Variants in WDR35 observed in about 807,000 individuals in gnomAD.
WDR35 encodes the protein WD repeat domain 35, also known as WD repeat-containing protein 35.
In WDR35, 118 loss-of-function variants were observed where a neutral mutation model predicts 158.3. The observed-to-expected ratio is 0.75, with a 90% CI of 0.64 to 0.87. The LOEUF is 0.87. WDR35 is among the 40% of genes least tolerant of loss of function. The pLI, the probability that WDR35 is intolerant of heterozygous loss-of-function variation, is 0.00. For missense variants in WDR35, 1,263 were observed against 1,405.8 expected (o/e 0.90, Z 1.62); for synonymous variants, 448 against 476.1 (o/e 0.94, Z 0.77).
intron 10 of WDR35, among the ~76,000 whole-genome samples, chr2:19,964,530 C>T (rs62109418): frequency 0.081 from 12,236 of 151,550 alleles, 700 homozygotes; most frequent in South Asian, 0.2. Context: ...ACTACAGGCA[C>T]ACGCTGCCAC....
chr2:19,924,302 T>C (rs771927740), intron 25 of WDR35, among the ~76,000 whole-genome samples: 24 of 152,252 alleles, frequency 1.6e-4, no homozygotes, highest in Middle Eastern at 3.4e-3. Flanking sequence ...CAGTGGCTCA[T>C]GCCTGTAATC....
chr2:19,917,609 A>C (rs966293443), intron 25 of WDR35, among the ~76,000 whole-genome samples: 3 of 152,266 alleles, frequency 2.0e-5, no homozygotes, highest in African/African-American at 7.2e-5. Flanking sequence ...CACAAGTATC[A>C]ATAGCCAAAC....
chr2:19,937,708 G>A (rs1363091985), intron 19 of WDR35, 35 bp downstream of exon 19: 3 of 1,612,394 alleles, frequency 1.9e-6, no homozygotes, highest in Non-Finnish European at 8.5e-7. Context: ...TGAACTGATA[G>A]AGTACTCAGG....
rs751326879 is a variant in WDR35 at position 19,946,581 on chromosome 2, T to C, written c.1525-11A>G. 6.3e-7 allele frequency: 1 copy of C among 1,598,746 alleles called. No homozygotes were observed. Among genetic ancestry groups the C allele is most frequent in the African/African-American group, 1.3e-5 (1 of 74,598 alleles). ...GCCAGATTCACGACCCTATGGAAAT[T>C]ACTTTTGATTACTTAAGCATACGTG... On this transcript the variant is annotated splice_polypyrimidine_tract_variant and intron_variant, in intron 14 of 26. Coordinates refer to ENST00000281405, the MANE Select transcript of WDR35 (RefSeq NM_020779.4).
At chr2:19,988,388 T>G (rs12151745) in intron 2 of WDR35, among the ~76,000 whole-genome samples, 2 of 152,290 alleles carry the variant, frequency 1.3e-5, no homozygotes, top group Admixed American at 1.3e-4. Flanking sequence ...CCGGGTCTAT[T>G]GTGTGGGGGT....
chr2:19,985,898 GGAAAAAAAAAAAAA>G (rs1241114571), intron 2 of WDR35, among the ~76,000 whole-genome samples: 20 of 44,132 alleles, frequency 4.5e-4, no homozygotes, highest in African/African-American at 1.8e-3. Flanking sequence ...CCCCATCTCG[GGAAAAAAAAAAAAA>G]AAAAAAAAAA....
intron 25 of WDR35, among the ~76,000 whole-genome samples, chr2:19,921,274 A>G (rs1395220529): frequency 6.6e-6 from 1 of 152,200 alleles, no homozygotes; most frequent in Non-Finnish European, 1.5e-5. Flanking sequence ...AGCCAACACA[A>G]TCCTAAGCAA....
chr2:19,927,995 A>G (rs1670409494), intron 25 of WDR35, among the ~76,000 whole-genome samples: 1 of 152,170 alleles, frequency 6.6e-6, no homozygotes, highest in African/African-American at 2.4e-5. Flanking sequence ...AAGAAGGGGG[A>G]CATGTTGGGA....
At chr2:19,982,145 A>G (rs989807669) in intron 3 of WDR35, among the ~76,000 whole-genome samples, 9 of 152,174 alleles carry the variant, frequency 5.9e-5, no homozygotes, top group African/African-American at 1.7e-4. Context: ...ACAGAAATCA[A>G]TAAGTTACAT....
intron 25 of WDR35, among the ~76,000 whole-genome samples, chr2:19,922,176 C>T (rs562961747): frequency 3.3e-5 from 5 of 152,302 alleles, no homozygotes. Context: ...CCTCAAGGAT[C>T]TAGAACTAGA....
Position 19,933,473 on chromosome 2 carries a change from T to C in WDR35, c.2586A>G (p.Glu862=), listed in dbSNP as rs780630556. 1.2e-6 allele frequency: 2 copies of C among 1,613,922 alleles called. No individual in the cohort carries two copies. Among genetic ancestry groups the C allele is most frequent in the Admixed American group, 1.7e-5 (1 of 60,006 alleles). ...AQMFVRVGMC[E]QAVTAFLKCS... The stretch of plus-strand genomic sequence containing the variant: ...ATTTCAAAAATGCAGTCACTGCTTG[T>C]TCACACATTCCAACTCTGACAAACA... Residue 862 remains glutamate, a synonymous_variant, in exon 22 of 27, where the codon GAA becomes GAG. Coordinates refer to ENST00000281405, the MANE Select transcript of WDR35 (RefSeq NM_020779.4).
At chr2:19,923,393 G>A (rs1272651022) in intron 25 of WDR35, among the ~76,000 whole-genome samples, 1 of 152,202 alleles carries the variant, frequency 6.6e-6, no homozygotes, top group East Asian at 1.9e-4. Context: ...GGGGAGCTCG[G>A]AAGCATCAGG....
chr2:19,943,982 T>C (rs1176112523), intron 16 of WDR35, among the ~76,000 whole-genome samples: 2 of 152,056 alleles, frequency 1.3e-5, no homozygotes, highest in Non-Finnish European at 2.9e-5. Flanking sequence ...CAATAACTTA[T>C]CTCCTAAATA....
chr2:19,968,123 G>A (rs1407997261), intron 9 of WDR35, among the ~76,000 whole-genome samples: 2 of 152,284 alleles, frequency 1.3e-5, no homozygotes, highest in East Asian at 3.9e-4. Context: ...CTCATGCTTA[G>A]ATTGGACTTC....
intron 11 of WDR35, 108 bp from the exon 12 acceptor site, chr2:19,954,086 A>C: frequency 8.0e-7 from 1 of 1,243,344 alleles, no homozygotes. Flanking sequence ...TTTATAGACA[A>C]TATACCCCCA....
At position 19,933,531 on chromosome 2, in the gene WDR35, C is replaced by G. The variant is rs955285844; in HGVS notation, c.2548-20G>C. On this transcript the variant is annotated intron_variant, in intron 21 of 26. Coordinates refer to ENST00000281405, the MANE Select transcript of WDR35 (RefSeq NM_020779.4). ...TATTTCCTGTACAAACAAAACAATA[C>G]TATCAGATTTCACAGACCAAGGAAA... 6.3e-7 allele frequency: 1 copy of G among 1,592,362 alleles called. No homozygotes were observed. The highest frequency in any genetic ancestry group is 1.7e-5 in the Admixed American group (1 of 59,906).
rs766525923 is a variant in WDR35, at chr2:19,989,215, C to T, written c.92G>A (p.Cys31Tyr). The change falls in exon 2 of 27, where the codon TGC becomes TAC. Residue 31 changes from cysteine (C) to tyrosine (Y), a missense_variant. Cys to Tyr is a radical substitution (Grantham distance 194). Coordinates refer to ENST00000281405, the MANE Select transcript of WDR35 (RefSeq NM_020779.4). ...TTTCAGTAATCCATCTTCACCACCG[C>T]ATGCTATGAACCCTTGTTCCTTGTT... ...SWNKEQGFIACGGEDGLLKVL... is the reference protein window; with the variant it reads ...SWNKEQGFIAYGGEDGLLKVL... 2 of 1,614,210 alleles carry T rather than the reference C, an allele frequency of 1.2e-6. No homozygotes were observed. Among genetic ancestry groups the T allele is most frequent in the East Asian group, 2.2e-5 (1 of 44,878 alleles).
intron 14 of WDR35, among the ~76,000 whole-genome samples, chr2:19,947,366 G>C (rs1445093012): frequency 6.6e-6 from 1 of 152,122 alleles, no homozygotes; most frequent in Non-Finnish European, 1.5e-5. Context: ...ATGCTCTTAA[G>C]ATTTTTCCCC....
chr2:19,959,187 T>A (rs1671549966), intron 11 of WDR35, among the ~76,000 whole-genome samples: 1 of 151,994 alleles, frequency 6.6e-6, no homozygotes, highest in African/African-American at 2.4e-5. Context: ...ATACAAATAG[T>A]CATGCTCTCA....
Sources: allele counts gnomAD v4.1 joint callset (sites outside exome capture counted in the v4.1 genomes callset), GRCh38; gene constraint gnomAD v4.1.1; transcripts MANE v1.5; gene names NCBI Gene and HGNC (gene_info 2026-07-23, HGNC 2026-07-21).